SLC4A8: variants seen among roughly 807,000 people sequenced by gnomAD.
SLC4A8 encodes the protein solute carrier family 4 member 8.
Under a neutral mutation model 125.0 loss-of-function variants are expected in SLC4A8, and 40 were observed. The ratio of observed to expected loss-of-function variants is 0.32; its 90% confidence interval spans 0.25 to 0.42. The LOEUF (loss-of-function observed/expected upper bound fraction) is 0.42, where lower values mean the gene tolerates loss of function less well. Among genes scored for constraint, SLC4A8 ranks in the 10% least tolerant of loss-of-function variants. The pLI, the probability that SLC4A8 is intolerant of heterozygous loss-of-function variation, is 1.00. For missense variants in SLC4A8, 863 were observed against 1,355.1 expected (o/e 0.64, Z 5.70); for synonymous variants, 456 against 476.0 (o/e 0.96, Z 0.55).
At chr12:51,392,502 G>C (rs1948145619) in intron 1 of SLC4A8, among the ~76,000 whole-genome samples, 1 of 150,740 alleles carries the variant, frequency 6.6e-6, no homozygotes, top group African/African-American at 2.4e-5. Context: ...GAACTCGGGA[G>C]GGGGAGGTTG....
At position 51,469,674 on chromosome 12, in the gene SLC4A8, C is replaced by T. The variant is rs1250072370; in HGVS notation, c.1410C>T (p.Tyr470=). 3.1e-6 allele frequency: 5 copies of T among 1,613,922 alleles called. No individual in the cohort carries two copies. The highest frequency in any genetic ancestry group is 1.1e-5 in the South Asian group (1 of 91,078). ...AGGCCCCCTGGTACTGGAGCGACTA[C>T]CGAGATGCACTCAGCTTACAGTGTT... ...KRKAPWYWSD[Y]RDALSLQCLA... Residue 470 remains tyrosine, a synonymous_variant, in exon 12 of 25, where the codon TAC becomes TAT. Coordinates refer to ENST00000453097, the MANE Select transcript of SLC4A8 (RefSeq NM_001039960.3).
intron 14 of SLC4A8, among the ~76,000 whole-genome samples, chr12:51,471,844 A>T (rs1217716558): frequency 6.6e-6 from 1 of 152,208 alleles, no homozygotes; most frequent in Non-Finnish European, 1.5e-5. Context: ...TGAGTTAGTT[A>T]TGGGGAGGAA....
At chr12:51,414,112 A>G (rs1373134218) in intron 1 of SLC4A8, among the ~76,000 whole-genome samples, 1 of 148,426 alleles carries the variant, frequency 6.7e-6, no homozygotes, top group Non-Finnish European at 1.5e-5. Flanking sequence ...AGTGTTTTGT[A>G]GTTTTCTTGC....
chr12:51,457,131 A>G (rs1464487387), intron 5 of SLC4A8, among the ~76,000 whole-genome samples: 2 of 152,194 alleles, frequency 1.3e-5, no homozygotes, highest in South Asian at 2.1e-4. Flanking sequence ...AATAGTTTCT[A>G]TGCCCAATAA....
chr12:51,504,216 A>G, intron 23 of SLC4A8, 96 bp downstream of exon 23: 1 of 745,722 alleles, frequency 1.3e-6, no homozygotes, highest in Non-Finnish European at 2.3e-6. Flanking sequence ...AGCTGCTGGC[A>G]TAAAGAGCTA....
chr12:51,419,934 C>T (rs573670660), upstream of SLC4A8, among the ~76,000 whole-genome samples: 50 of 152,338 alleles, frequency 3.3e-4, no homozygotes, highest in South Asian at 1.0e-2. Flanking sequence ...TCAGACTCTT[C>T]CCTGGGATGT....
chr12:51,460,579 A>G (rs763471351), intron 8 of SLC4A8, among the ~76,000 whole-genome samples: 2 of 152,226 alleles, frequency 1.3e-5, no homozygotes, highest in Non-Finnish European at 2.9e-5. Flanking sequence ...ATAGGAAGCC[A>G]AGTCTTATCT....
chr12:51,402,401 C>T (rs539042127), intron 1 of SLC4A8, among the ~76,000 whole-genome samples: 1 of 152,216 alleles, frequency 6.6e-6, no homozygotes, highest in East Asian at 1.9e-4. Flanking sequence ...TTTGCTACCC[C>T]GATAAACTCA....
chr12:51,457,659 C>T, intron 6 of SLC4A8, 120 bp downstream of exon 6: 2 of 887,232 alleles, frequency 2.3e-6, no homozygotes, highest in Non-Finnish European at 3.4e-6. Flanking sequence ...TCCACTTAGG[C>T]ACTTAGTACT....
intron 1 of SLC4A8, among the ~76,000 whole-genome samples, chr12:51,409,782 G>A (rs879767553): frequency 1.3e-5 from 2 of 152,156 alleles, no homozygotes; most frequent in Admixed American, 6.5e-5. Flanking sequence ...CTGGCTGCTC[G>A]CTGCCTGAGA....
intron 16 of SLC4A8, 60 bp downstream of exon 16, chr12:51,475,266 T>C: frequency 1.3e-6 from 2 of 1,534,046 alleles, no homozygotes; most frequent in Non-Finnish European, 1.8e-6. Flanking sequence ...GAACCTTTTC[T>C]CAGCCTTCAT....
Position 51,425,858 on chromosome 12 carries a change from G to A in SLC4A8, c.48+823G>A, listed in dbSNP as rs1273521949. On this transcript the variant is annotated intron_variant, in intron 1 of 24. Transcript: ENST00000453097. ...TTATGTCTGCTTTGCATGCTTCACAGGGTTGTTTTGAGGATCAGACGAAGT... is the reference window on the plus strand; with the variant it reads ...TTATGTCTGCTTTGCATGCTTCACAAGGTTGTTTTGAGGATCAGACGAAGT... 2.6e-5 allele frequency among the ~76,000 whole-genome samples: 4 copies of A among 152,226 alleles called. No homozygotes were observed. In the East Asian group the frequency reaches 7.7e-4, roughly 29 times the overall value.
chr12:51,485,128 G>A (rs1239278840), intron 16 of SLC4A8, among the ~76,000 whole-genome samples: 1 of 152,138 alleles, frequency 6.6e-6, no homozygotes, highest in Admixed American at 6.5e-5. Context: ...CAATTGTGTG[G>A]CCCTCATAGG....
chr12:51,421,363 T>G (rs749217238), upstream of SLC4A8, among the ~76,000 whole-genome samples: 9 of 152,210 alleles, frequency 5.9e-5, no homozygotes, highest in Non-Finnish European at 1.3e-4. Flanking sequence ...CCTGGGAGGA[T>G]AGAGCCTGTC....
intron 18 of SLC4A8, 46 bp from the exon 19 acceptor site, chr12:51,489,654 C>T: frequency 6.2e-7 from 1 of 1,609,778 alleles, no homozygotes; most frequent in Non-Finnish European, 8.5e-7. Flanking sequence ...CTATGCCCTA[C>T]TACAGCTAGC....
At chr12:51,452,009 C>T in intron 3 of SLC4A8, 115 bp from the exon 4 acceptor site, 1 of 923,008 alleles carries the variant, frequency 1.1e-6, no homozygotes. Context: ...AAATCTTTTT[C>T]TTCTGCATTC....
At position 51,495,146 on chromosome 12, in the gene SLC4A8, T is replaced by G. The variant is rs145441619; in HGVS notation, c.2943+28T>G. 1.6e-3 allele frequency: 2,521 copies of G among 1,557,242 alleles called. 2 individuals are homozygous for G. The highest frequency in any genetic ancestry group is 4.5e-3 in the Admixed American group (239 of 53,330). On this transcript the variant is annotated intron_variant, in intron 21 of 24. Transcript: ENST00000453097. ...GAGGTGGTTTTTAAAAAATAAATTC[T>G]TATTATCATTGTTATTTTTTAGTGG...
chr12:51,489,952 G>C lies in SLC4A8; in HGVS notation c.2700+1G>C. On this transcript the variant is annotated splice_donor_variant, in intron 19 of 24. Transcript: ENST00000453097. LOFTEE classifies it high-confidence loss of function. Reference sequence around the variant, plus strand: ...AGTCTTCATGACGGCTATCTTAAAGGTAATCATCCTTTCAGTCATTCAGCA... The same window carrying C: ...AGTCTTCATGACGGCTATCTTAAAGCTAATCATCCTTTCAGTCATTCAGCA... 6.2e-7 allele frequency: 1 copy of C among 1,613,770 alleles called. No individual in the cohort carries two copies. Among genetic ancestry groups the C allele is most frequent in the Non-Finnish European group, 8.5e-7 (1 of 1,179,670 alleles).
chr12:51,471,393 A>G lies in SLC4A8; in HGVS notation c.1765A>G (p.Ile589Val). ...TGATGCCAGTTCCCTTGTCTGCTAC[A>G]TTACCCGTTTCACTGAAGAAGCATT... ...ATDASSLVCYITRFTEEAFAS... is the reference protein window; with the variant it reads ...ATDASSLVCYVTRFTEEAFAS... Residue 589 changes from isoleucine to valine, a missense_variant, in exon 14 of 25, where the codon ATT (isoleucine) becomes GTT (valine). Ile to Val is a conservative substitution (Grantham distance 29). This residue lies in a region of SLC4A8 where 390 missense variants were observed against 634.4 expected (regional missense o/e 0.61). Coordinates refer to ENST00000453097, the MANE Select transcript of SLC4A8 (RefSeq NM_001039960.3). 1 of 1,614,146 alleles carries G rather than the reference A, an allele frequency of 6.2e-7. No homozygotes were observed. The highest frequency in any genetic ancestry group is 8.5e-7 in the Non-Finnish European group (1 of 1,180,018).
Sources: allele counts gnomAD v4.1 joint callset (sites outside exome capture counted in the v4.1 genomes callset), GRCh38; gene constraint gnomAD v4.1.1; regional missense constraint gnomAD v4.1.1; transcripts MANE v1.5; gene names NCBI Gene and HGNC (gene_info 2026-07-23, HGNC 2026-07-21).